The following CD36 variants were observed in gnomAD, a reference collection of about 807,000 sequenced individuals.
The protein encoded by CD36 is CD36 molecule (CD36 blood group), also known as platelet glycoprotein 4.
A neutral mutation model predicts 55.2 loss-of-function variants in CD36; 119 were observed. That is an observed-to-expected ratio of 2.15 (90% CI 1.86 to 2.51). The LOEUF (loss-of-function observed/expected upper bound fraction) is 2.51. Among genes scored for constraint, CD36 ranks in the 30% most tolerant of loss-of-function variants. The pLI is 0.00. For synonymous variants in CD36, 186 were observed against 193.6 expected (o/e 0.96, Z 0.33); for missense variants, 819 against 555.5 (o/e 1.47, Z -4.77).
chr7:80,615,957 GAATTTTGATTT>G (rs1282866023), intron 1 of CD36, among the ~76,000 whole-genome samples: 3 of 152,070 alleles, frequency 2.0e-5, no homozygotes, highest in African/African-American at 4.8e-5. Flanking sequence ...ATTTTATTTT[GAATTTTGATTT>G]AATTTTGATT....
intron 6 of CD36, among the ~76,000 whole-genome samples, chr7:80,664,022 T>C (rs189200390): frequency 2.6e-5 from 4 of 152,054 alleles, no homozygotes; most frequent in East Asian, 1.9e-4. Context: ...TAACCACTTA[T>C]TATCATTTTA....
chr7:80,669,903 T>C, intron 8 of CD36, 50 bp from the exon 9 acceptor site: 3 of 1,300,074 alleles, frequency 2.3e-6, no homozygotes, highest in Non-Finnish European at 3.4e-6. Context: ...CTAGGTTTTT[T>C]TCTAGAACAC....
intron 3 of CD36, among the ~76,000 whole-genome samples, chr7:80,650,010 A>G (rs987335208): frequency 3.3e-5 from 5 of 152,114 alleles, no homozygotes; most frequent in African/African-American, 1.2e-4. Flanking sequence ...GTAGGGTAAT[A>G]AAGAAGGGGG....
chr7:80,650,760 AACAGTTTAGCAAGCTTATTTGT>A (rs1487867443), intron 3 of CD36, among the ~76,000 whole-genome samples: 2 of 152,108 alleles, frequency 1.3e-5, no homozygotes, highest in African/African-American at 4.8e-5. Context: ...AGTAGTCTAA[AACAGTTTAGCAAGCTTATTTGT>A]ACTTTATTTT....
chr7:80,670,563 T>C (rs2116849835), intron 9 of CD36: 1 of 232,282 alleles, frequency 4.3e-6, no homozygotes, highest in Middle Eastern at 1.7e-3. Context: ...GATAGACACT[T>C]GGTAAACGAT....
At chr7:80,637,239 G>T (rs79603610), upstream of CD36, among the ~76,000 whole-genome samples, 4 of 151,944 alleles carry the variant, frequency 2.6e-5, no homozygotes, top group East Asian at 7.8e-4. Flanking sequence ...ATACAAAACA[G>T]CTATCTACAA....
At position 80,669,175 on chromosome 7, in the gene CD36, A is replaced by G. The variant is rs1797404436; in HGVS notation, c.749-778A>G. On this transcript the variant is annotated intron_variant, in intron 8 of 14. Transcript: ENST00000447544. The stretch of plus-strand genomic sequence containing the variant: ...TGGGGTAGGGCATTTCAAAAAACAA[A>G]CACAATGTTAGCCTTAACATTTCAT... Among the ~76,000 whole-genome samples the G allele has an allele frequency of 1.3e-5, 2 of 152,172 alleles. 1 individual carries two copies. The highest frequency in any genetic ancestry group is 4.1e-4 in the South Asian group (2 of 4,824).
intron 14 of CD36, 98 bp downstream of exon 14, chr7:80,674,245 T>TTTCTAGACATGTCTAGCCAC (rs1798045596): frequency 2.4e-6 from 2 of 832,874 alleles, no homozygotes; most frequent in Non-Finnish European, 3.9e-6. Context: ...GCCATATATA[T>TTTCTAGACATGTCTAGCCAC]TTCTAGACAT....
At chr7:80,670,116 C>A in intron 9 of CD36, 94 bp downstream of exon 9, 1 of 802,522 alleles carries the variant, frequency 1.2e-6, no homozygotes, top group Non-Finnish European at 2.2e-6. Context: ...GGAAATTCAT[C>A]ATGTTTATTA....
chr7:80,663,398 G>A (rs557149007), intron 6 of CD36, among the ~76,000 whole-genome samples: 4 of 151,994 alleles, frequency 2.6e-5, no homozygotes, highest in Non-Finnish European at 5.9e-5. Context: ...GATTTAATAA[G>A]GTTTCTACTC....
In CD36 at chr7:80,672,768, A is replaced by AGAT. The variant is rs1444691046; in HGVS notation, c.1126-1_1127dup. Reference sequence around the variant, plus strand: ...GTAATTATTTAGTTGTTCTCTTTTTAGATAACTGGATTCACTTTACAATTT... The same window carrying AGAT: ...GTAATTATTTAGTTGTTCTCTTTTTAGATGATAACTGGATTCACTTTACAATTT... On this transcript the variant is annotated splice_acceptor_variant, in intron 11 of 14. Transcript: ENST00000447544. LOFTEE classifies it high-confidence loss of function. 6.3e-7 allele frequency: 1 copy of AGAT among 1,599,928 alleles called. No homozygotes were observed. Among genetic ancestry groups the AGAT allele is most frequent in the Admixed American group, 1.7e-5 (1 of 59,592 alleles).
chr7:80,634,933 A>T (rs1794298684), upstream of CD36, among the ~76,000 whole-genome samples: 1 of 152,152 alleles, frequency 6.6e-6, no homozygotes. Context: ...ACAGAAAAGT[A>T]AAAATTGTCA....
intron 1 of CD36, among the ~76,000 whole-genome samples, chr7:80,615,634 A>G (rs942275894): frequency 6.6e-6 from 1 of 152,228 alleles, no homozygotes; most frequent in Admixed American, 6.5e-5. Flanking sequence ...CCATGCTCAA[A>G]GCCTGGAGTA....
chr7:80,659,989 T>C (rs1034476536), intron 4 of CD36, among the ~76,000 whole-genome samples: 9 of 152,168 alleles, frequency 5.9e-5, no homozygotes, highest in Admixed American at 2.0e-4. Context: ...GGCATGATGC[T>C]TAGAGATACA....
intron 4 of CD36, among the ~76,000 whole-genome samples, chr7:80,659,490 A>C (rs1796357312): frequency 6.6e-6 from 1 of 152,158 alleles, no homozygotes; most frequent in South Asian, 2.1e-4. Flanking sequence ...AGAATATAAA[A>C]AGTAATCTTG....
chr7:80,671,234 C>T (rs940927350), intron 10 of CD36, 70 bp downstream of exon 10: 1 of 1,066,394 alleles, frequency 9.4e-7, no homozygotes, highest in African/African-American at 1.6e-5. Flanking sequence ...AGAACTTTAC[C>T]ATAATCCTTT....
chr7:80,634,050 A>T (rs980139789), upstream of CD36, among the ~76,000 whole-genome samples: 77 of 152,114 alleles, frequency 5.1e-4, no homozygotes, highest in African/African-American at 1.8e-3. Flanking sequence ...GATCAAGGAT[A>T]AATGTATCTT....
chr7:80,653,167 T>C (rs894830699), intron 3 of CD36, among the ~76,000 whole-genome samples: 1 of 152,138 alleles, frequency 6.6e-6, no homozygotes, highest in Non-Finnish European at 1.5e-5. Context: ...TATACCTTGT[T>C]AGGGTGGGGA....
chr7:80,615,821 A>G (rs1454366699), intron 1 of CD36, among the ~76,000 whole-genome samples: 1 of 152,212 alleles, frequency 6.6e-6, no homozygotes, highest in Non-Finnish European at 1.5e-5. Context: ...GTCTTACCAA[A>G]ACAAATGGAA....
Sources: gnomAD v4.1 joint callset for allele counts (sites outside exome capture counted in the v4.1 genomes callset) on GRCh38, gnomAD v4.1.1 for gene constraint, MANE v1.5 for transcripts, NCBI Gene and HGNC (gene_info 2026-07-23, HGNC 2026-07-21) for gene names.